Variants in BRPF3 observed in about 807,000 individuals in gnomAD.
BRPF3 encodes bromodomain and PHD finger containing 3.
In BRPF3, 18 loss-of-function variants were observed where a neutral mutation model predicts 102.0. That is an observed-to-expected ratio of 0.18 (90% confidence interval 0.12 to 0.26). The LOEUF (loss-of-function observed/expected upper bound fraction) is 0.26. Among genes scored for constraint, BRPF3 ranks in the 10% least tolerant of loss-of-function variants. BRPF3 has a pLI of 1.00. For missense variants in BRPF3, 1,147 were observed against 1,567.8 expected (o/e 0.73, Z 4.53); for synonymous variants, 570 against 614.2 (o/e 0.93, Z 1.06).
intron 9 of BRPF3, among the ~76,000 whole-genome samples, chr6:36,220,885 T>C (rs1207782832): frequency 6.6e-6 from 1 of 152,208 alleles, no homozygotes; most frequent in African/African-American, 2.4e-5. Flanking sequence ...TCAGTTCTGA[T>C]TCAGTAAAAC....
At chr6:36,207,202 G>A (rs1443198481) in intron 3 of BRPF3, 111 bp from the exon 4 acceptor site, 3 of 1,410,408 alleles carry the variant, frequency 2.1e-6, no homozygotes, top group Non-Finnish European at 1.9e-6. Flanking sequence ...TGGAACTGTG[G>A]GTCAAGGAAG....
chr6:36,209,843 G>A lies in BRPF3; in HGVS notation c.1794G>A (p.Leu598=). ...ELELMPFNVL[L]RTTLDLLQEK... is the part of the protein sequence containing the mutation. ...AGCTGATGCCATTCAATGTTCTGTT[G>A]AGGACAACACTGGACCTGCTGCAGG... The change falls in exon 5 of 13, where the codon TTG becomes TTA. Residue 598 remains leucine (L), a synonymous_variant. Transcript: ENST00000357641. The A allele has an allele frequency of 6.2e-7, 1 of 1,614,206 alleles. No individual in the cohort carries two copies. Among genetic ancestry groups the A allele is most frequent in the Non-Finnish European group, 8.5e-7 (1 of 1,180,024 alleles).
chr6:36,218,953 G>A (rs999247540), intron 9 of BRPF3, among the ~76,000 whole-genome samples: 4 of 152,118 alleles, frequency 2.6e-5, no homozygotes, highest in African/African-American at 4.8e-5. Flanking sequence ...AGGGCGGGGA[G>A]GACTCTTAGA....
rs1009573369 is a variant in BRPF3, at chr6:36,214,193, G to A, written c.2796G>A (p.Lys932=). The part of the protein sequence containing the change: ...GVGRRTSVLF[K]KAKNGVKLQR... ...GTCGCCGCACATCAGTCCTCTTCAA[G>A]AAGGCCAAGAATGGGGTTAAGCTAC... The change falls in exon 8 of 13, where the codon AAG becomes AAA. Residue 932 remains lysine, a synonymous_variant. Coordinates refer to ENST00000357641, the MANE Select transcript of BRPF3 (RefSeq NM_015695.3). 7.4e-6 allele frequency: 12 copies of A among 1,614,050 alleles called. No individual in the cohort carries two copies. The highest frequency in any genetic ancestry group is 1.0e-5 in the Non-Finnish European group (12 of 1,180,010).
intron 11 of BRPF3, among the ~76,000 whole-genome samples, chr6:36,228,475 A>G (rs760910392): frequency 6.6e-6 from 1 of 152,140 alleles, no homozygotes; most frequent in Non-Finnish European, 1.5e-5. Flanking sequence ...TTCTCTAGCT[A>G]TACACTGAGC....
In BRPF3 at chr6:36,201,633, G is replaced by C; in HGVS notation, c.1311G>C (p.Val437=). The C allele has an allele frequency of 1.2e-6, 2 of 1,614,214 alleles. No individual in the cohort carries two copies. Among genetic ancestry groups the C allele is most frequent in the Non-Finnish European group, 1.7e-6 (2 of 1,180,024 alleles). The part of the protein sequence containing the change: ...EEEEQEAQGG[V]SGSLKGVPKK... The stretch of plus-strand genomic sequence containing the variant: ...AAGAGCAGGAAGCTCAAGGCGGGGT[G>C]AGTGGCTCCCTCAAGGGAGTGCCCA... Residue 437 remains valine, a synonymous_variant, in exon 2 of 13, where the codon GTG becomes GTC. Transcript: ENST00000357641. This position sits in a 1 kb window ranked among gnomAD's most constrained non-coding sequence, Gnocchi z 5.1.
intron 9 of BRPF3, among the ~76,000 whole-genome samples, chr6:36,221,594 C>G (rs1768545555): frequency 6.6e-6 from 1 of 152,134 alleles, no homozygotes. Flanking sequence ...CCACTTTTTA[C>G]TTTAAAAAAT....
rs1249118931 is a variant in BRPF3 at position 36,210,960 on chromosome 6, T to C, written c.2180-298T>C. Among the ~76,000 whole-genome samples, 1 of 152,234 alleles carries C rather than the reference T, an allele frequency of 6.6e-6. No individual in the cohort carries two copies. The highest frequency in any genetic ancestry group is 1.5e-5 in the Non-Finnish European group (1 of 68,042). ...CCTGTCCCTGCTCTCTGCTTCTCGA[T>C]GGCAGCAGCCAGTCACTCAGGCCAG... On this transcript the variant is annotated intron_variant, in intron 6 of 12. Transcript: ENST00000357641. The surrounding 1 kb of genome is among the most constrained non-coding windows in gnomAD (Gnocchi z 4.7).
chr6:36,209,372 TTAGTTTCCTC>T (rs1164611430), intron 4 of BRPF3, among the ~76,000 whole-genome samples: 6 of 152,222 alleles, frequency 3.9e-5, no homozygotes, highest in African/African-American at 1.2e-4. Flanking sequence ...GGCCAGTTAC[TTAGTTTCCTC>T]TAGTTTCCTC....
At position 36,211,388 on chromosome 6, in the gene BRPF3, G is replaced by A; in HGVS notation, c.2310G>A (p.Leu770=). The A allele has an allele frequency of 6.2e-7, 1 of 1,614,174 alleles. No individual in the cohort carries two copies. The change falls in exon 7 of 13, where the codon CTG becomes CTA. Residue 770 remains leucine, a synonymous_variant. Transcript: ENST00000357641. ...SSGARTRRVR[L]LRREINALRQ... is the part of the protein sequence containing the mutation. Reference sequence around the variant, plus strand: ...GGGCCCGCACCCGTCGTGTCCGCCTGCTACGCCGGGAGATCAATGCCCTTC... The same window carrying A: ...GGGCCCGCACCCGTCGTGTCCGCCTACTACGCCGGGAGATCAATGCCCTTC...
chr6:36,198,447 G>T (rs1767583964), intron 1 of BRPF3, among the ~76,000 whole-genome samples: 2 of 152,212 alleles, frequency 1.3e-5, no homozygotes, highest in Admixed American at 1.3e-4. Flanking sequence ...TAGCACCTCT[G>T]TGGTGTTCTT....
Position 36,207,373 on chromosome 6 carries a change from C to T in BRPF3, c.1666C>T (p.Arg556Trp). 1 of 1,613,982 alleles carries T rather than the reference C, an allele frequency of 6.2e-7. No individual in the cohort carries two copies. The highest frequency in any genetic ancestry group is 8.5e-7 in the Non-Finnish European group (1 of 1,179,978). Residue 556 changes from arginine to tryptophan, a missense_variant, in exon 4 of 13, where the codon CGG becomes TGG. Around this residue, in one of 11 missense-constraint regions of BRPF3, gnomAD observed 23 missense variants for 54.4 expected, o/e 0.42. Coordinates refer to ENST00000357641, the MANE Select transcript of BRPF3 (RefSeq NM_015695.3). The stretch of plus-strand genomic sequence containing the variant: ...GGAGCTGAAGTATTGGCAGAAGCTC[C>T]GGCATGACTTGGAGCGGGCGCGGCT... ...KEELKYWQKL[R>W]HDLERARLLI...
rs546724187 is a variant in BRPF3, at chr6:36,227,567, C to T, written c.3280-1335C>T. Among the ~76,000 whole-genome samples, 5 of 152,288 alleles carry T rather than the reference C, an allele frequency of 3.3e-5. No homozygotes were observed. The South Asian group carries it at 1.0e-3, about 32-fold the overall frequency. ...GCTTTTGCCCTCAGGGGAAATTTTT[C>T]ACAATCTACCCTCTGCAAGCACCCT... On this transcript the variant is annotated intron_variant, in intron 11 of 12. Coordinates refer to ENST00000357641, the MANE Select transcript of BRPF3 (RefSeq NM_015695.3).
chr6:36,204,396 C>T (rs1767830825), intron 2 of BRPF3: 3 of 487,286 alleles, frequency 6.2e-6, no homozygotes, highest in South Asian at 2.1e-5. Flanking sequence ...CCATAGGAAA[C>T]GGGACTCTGG....
At position 36,200,381 on chromosome 6, in the gene BRPF3, C is replaced by T. The variant is rs199876915; in HGVS notation, c.59C>T (p.Pro20Leu). Residue 20 changes from proline (P) to leucine (L), a missense_variant, in exon 2 of 13, where the codon CCC becomes CTC. Physicochemically the swap from Pro to Leu is moderately conservative, Grantham distance 98. Around this residue, in one of 11 missense-constraint regions of BRPF3, gnomAD observed 38 missense variants for 34.3 expected, o/e 1.11. Transcript: ENST00000357641. The surrounding 1 kb of genome is among the most constrained non-coding windows in gnomAD (Gnocchi z 5.3). ...QNAEGRRSPS[P>L]YSLKCSPTRE... ...GCCGAGGGCCGGCGTTCCCCGTCCC[C>T]CTACAGTCTCAAGTGCTCACCCACC... 1.1e-5 allele frequency: 17 copies of T among 1,614,242 alleles called. No homozygotes were observed. The East Asian group carries it at 2.0e-4, about 19-fold the overall frequency.
rs1485812685 is a variant in BRPF3 at position 36,196,850 on chromosome 6, G to A, written c.-147G>A. 5 of 151,702 alleles carry A rather than the reference G, an allele frequency of 3.3e-5. No individual in the cohort carries two copies. Among genetic ancestry groups the A allele is most frequent in the Non-Finnish European group, 7.4e-5 (5 of 67,706 alleles). 9.4% of individuals were successfully genotyped at this position (151,702 alleles called of 1,614,324 possible). On this transcript the variant is annotated 5_prime_UTR_variant, in exon 1 of 13. Coordinates refer to ENST00000357641, the MANE Select transcript of BRPF3 (RefSeq NM_015695.3). ...GCGGGCCGGGAGGGGGCACGGCGGA[G>A]GCCACGGAGGCAGGCGCGGGAGAAG... is the stretch of plus-strand genomic sequence containing the variant.
At chr6:36,213,789 CTT>C in intron 7 of BRPF3, 89 bp from the exon 8 acceptor site, 1 of 1,321,666 alleles carries the variant, frequency 7.6e-7, no homozygotes, top group Non-Finnish European at 1.0e-6. Flanking sequence ...ACAGCCAATG[CTT>C]TTGGTCCTTG....
In BRPF3 at chr6:36,210,592, G is replaced by T; in HGVS notation, c.2179+64G>T. 2 of 1,478,296 alleles carry T rather than the reference G, an allele frequency of 1.4e-6. No homozygotes were observed. Among genetic ancestry groups the T allele is most frequent in the East Asian group, 2.3e-5 (1 of 44,056 alleles). 91.6% of individuals were successfully genotyped at this position (1,478,296 alleles called of 1,614,324 possible). A position where few individuals can be genotyped will look rare whatever the true frequency, so the allele number is the denominator to read the frequency against. On this transcript the variant is annotated intron_variant, in intron 6 of 12. Transcript: ENST00000357641. The surrounding 1 kb of genome is among the most constrained non-coding windows in gnomAD (Gnocchi z 4.7). ...AGGAGGCACAGGAACAGAGTCTACA[G>T]AGTGAGGGATCAGGGTGGTCCTTGG...
At chr6:36,214,605 G>A (rs1208725186) in intron 8 of BRPF3, among the ~76,000 whole-genome samples, 1 of 152,172 alleles carries the variant, frequency 6.6e-6, no homozygotes, top group Non-Finnish European at 1.5e-5. Flanking sequence ...GATTGTGTCT[G>A]GGATTCATTG....
Sources: gnomAD v4.1 joint callset for allele counts (sites outside exome capture counted in the v4.1 genomes callset) on GRCh38, gnomAD v4.1.1 for gene constraint, gnomAD v4.1.1 regional missense constraint, Gnocchi (gnomAD v3.1) non-coding constraint, MANE v1.5 for transcripts, NCBI Gene and HGNC (gene_info 2026-07-23, HGNC 2026-07-21) for gene names.